Variants in SNX29 observed in about 807,000 individuals in gnomAD.
SNX29 encodes the protein sorting nexin-29.
SNX29 carries 78 observed loss-of-function variants against 102.1 expected under a neutral mutation model. The observed-to-expected ratio is 0.76, with a 90% CI of 0.64 to 0.92. SNX29 has a LOEUF of 0.92. Among genes scored for constraint, SNX29 ranks in the 40% least tolerant of loss-of-function variants. The pLI is 0.00. For missense variants in SNX29, 1,280 were observed against 1,061.7 expected, an observed-to-expected ratio of 1.21 and a Z score of -2.86; for synonymous variants, 580 against 414.5, an observed-to-expected ratio of 1.40 and a Z score of -4.85.
chr16:12,493,913 A>G lies in SNX29; in HGVS notation c.2178+16054A>G, dbSNP rs529856518. On this transcript the variant is annotated intron_variant, in intron 19 of 20. Coordinates refer to ENST00000566228, the MANE Select transcript of SNX29 (RefSeq NM_032167.5). The stretch of plus-strand genomic sequence containing the variant: ...AGCCCTCATTTTGTTTTTGATTCAC[A>G]TTTTCCCAGTTACCGATAAGACTGA... 5.9e-5 allele frequency among the ~76,000 whole-genome samples: 9 copies of G among 151,718 alleles called. No individual in the cohort carries two copies. In the South Asian group the frequency reaches 1.7e-3, roughly 28 times the overall value.
intron 20 of SNX29, among the ~76,000 whole-genome samples, chr16:12,530,752 C>T (rs1317354264): frequency 6.6e-6 from 1 of 152,120 alleles, no homozygotes; most frequent in Non-Finnish European, 1.5e-5. Context: ...GACGGGGTTT[C>T]TTCATGTTGG....
chr16:12,333,805 G>C (rs1313543876), intron 15 of SNX29, among the ~76,000 whole-genome samples: 1 of 152,164 alleles, frequency 6.6e-6, no homozygotes, highest in East Asian at 1.9e-4. Flanking sequence ...GTCCTACCCT[G>C]TAGGATGGCT....
chr16:12,068,793 C>A (rs1395260167), intron 9 of SNX29, among the ~76,000 whole-genome samples: 3 of 152,162 alleles, frequency 2.0e-5, no homozygotes, highest in Non-Finnish European at 4.4e-5. Flanking sequence ...GATCCACCTC[C>A]CAAAGTGCTG....
intron 14 of SNX29, among the ~76,000 whole-genome samples, chr16:12,260,749 C>T (rs550804967): frequency 6.6e-6 from 1 of 151,318 alleles, no homozygotes; most frequent in South Asian, 2.1e-4. Context: ...CACACGCCCC[C>T]AGCTGGAGTG....
chr16:12,389,983 G>A lies in SNX29; in HGVS notation c.1900-8463G>A, dbSNP rs372037852. ...GTAGGTCTGAGTGTTTCACCAATTG[G>A]TTGAAAATTCATAACTTAAGAATAG... is the stretch of plus-strand genomic sequence containing the variant. On this transcript the variant is annotated intron_variant, in intron 16 of 20. Transcript: ENST00000566228. Among the ~76,000 whole-genome samples the A allele has an allele frequency of 7.9e-5, 12 of 152,302 alleles. 1 individual carries two copies. The East Asian group carries it at 1.5e-3, about 20-fold the overall frequency.
At position 12,570,060 on chromosome 16, in the gene SNX29, G is replaced by A; in HGVS notation, c.*1431G>A. On this transcript the variant is annotated 3_prime_UTR_variant, in exon 21 of 21. Coordinates refer to ENST00000566228, the MANE Select transcript of SNX29 (RefSeq NM_032167.5). ...TCTCCTAGGCTCGAGGACATCTCTG[G>A]AGAATCATCTGGAAGGTTTATACTG... The A allele has an allele frequency of 3.3e-6, 2 of 614,612 alleles. No homozygotes were observed. The highest frequency in any genetic ancestry group is 4.3e-6 in the Non-Finnish European group (2 of 467,858). The allele number at this position is 614,612 out of a possible 1,614,324, so 38.1% of individuals were successfully genotyped here.
chr16:12,317,133 G>A (rs1425991570), intron 15 of SNX29, among the ~76,000 whole-genome samples: 2 of 152,190 alleles, frequency 1.3e-5, no homozygotes, highest in African/African-American at 4.8e-5. Flanking sequence ...CTATTGTACA[G>A]GCACCCAGGA....
chr16:12,290,464 T>G (rs2079756182), intron 15 of SNX29, among the ~76,000 whole-genome samples: 1 of 152,224 alleles, frequency 6.6e-6, no homozygotes, highest in Admixed American at 6.5e-5. Flanking sequence ...CCAGGTGTCC[T>G]GCACGTCCTT....
chr16:12,300,264 A>G (rs78326638), intron 15 of SNX29, among the ~76,000 whole-genome samples: 3,042 of 152,310 alleles, frequency 0.02, 126 homozygotes, highest in African/African-American at 0.069. Context: ...TCTAATATGA[A>G]TGAAAAGAAC....
intron 3 of SNX29, among the ~76,000 whole-genome samples, chr16:12,006,045 T>G (rs1370288125): frequency 6.6e-6 from 1 of 152,078 alleles, no homozygotes; most frequent in Non-Finnish European, 1.5e-5. Context: ...TGGCTTACTA[T>G]TACTAATAAT....
intron 19 of SNX29, among the ~76,000 whole-genome samples, chr16:12,499,995 A>T (rs1303088613): frequency 6.6e-6 from 1 of 151,222 alleles, no homozygotes; most frequent in Non-Finnish European, 1.5e-5. Flanking sequence ...TTTTATTTTA[A>T]TTTTAAATTT....
At chr16:12,476,090 G>A (rs1425199117) in intron 18 of SNX29, among the ~76,000 whole-genome samples, 1 of 151,856 alleles carries the variant, frequency 6.6e-6, no homozygotes, top group Non-Finnish European at 1.5e-5. Flanking sequence ...TGAGGCCAAG[G>A]CAGGCAGATC....
intron 20 of SNX29, among the ~76,000 whole-genome samples, chr16:12,560,508 C>G (rs1437293770): frequency 2.0e-5 from 3 of 152,256 alleles, no homozygotes; most frequent in African/African-American, 7.2e-5. Context: ...CACGCCTGTC[C>G]TGCCCTCCAC....
chr16:12,297,120 G>T (rs528639747), intron 15 of SNX29: 1 of 152,486 alleles, frequency 6.6e-6, no homozygotes, highest in Non-Finnish European at 1.5e-5. Flanking sequence ...GCTGCAGAAA[G>T]AAGACAGGGT....
chr16:12,549,439 G>T lies in SNX29; in HGVS notation c.2319-19067G>T, dbSNP rs191468712. Among the ~76,000 whole-genome samples, 5 of 152,306 alleles carry T rather than the reference G, an allele frequency of 3.3e-5. No individual in the cohort carries two copies. The East Asian group carries it at 9.6e-4, about 29-fold the overall frequency. ...GAACCTGGGAGGTGGAGGTTGCAGT[G>T]ACCTAAGATTGCACCATTGAACTCC... On this transcript the variant is annotated intron_variant, in intron 20 of 20. Coordinates refer to ENST00000566228, the MANE Select transcript of SNX29 (RefSeq NM_032167.5).
intron 19 of SNX29, among the ~76,000 whole-genome samples, chr16:12,495,293 A>G (rs1174651222): frequency 1.3e-5 from 2 of 152,120 alleles, no homozygotes; most frequent in African/African-American, 4.8e-5. Context: ...TTGGGATTAC[A>G]GACGTGCACC....
intron 3 of SNX29, among the ~76,000 whole-genome samples, chr16:12,023,132 A>G (rs943895835): frequency 5.9e-5 from 9 of 151,888 alleles, no homozygotes; most frequent in Non-Finnish European, 1.0e-4. Context: ...CCTGACCTCA[A>G]GTGATCTACC....
chr16:12,521,385 C>A (rs986440659), intron 19 of SNX29, among the ~76,000 whole-genome samples: 2 of 151,848 alleles, frequency 1.3e-5, no homozygotes, highest in East Asian at 3.9e-4. Context: ...TGGGATTTCT[C>A]CAGGGGCCTC....
At position 12,550,442 on chromosome 16, in the gene SNX29, G is replaced by A. The variant is rs577610699; in HGVS notation, c.2319-18064G>A. On this transcript the variant is annotated intron_variant, in intron 20 of 20. Coordinates refer to ENST00000566228, the MANE Select transcript of SNX29 (RefSeq NM_032167.5). ...CCCACCTACTTGGGAGGCTGAGGCA[G>A]GAGAATCACTTAAACCCGGGAGGTG... 7.9e-5 allele frequency among the ~76,000 whole-genome samples: 12 copies of A among 151,972 alleles called. No homozygotes were observed. The South Asian group carries it at 2.5e-3, about 32-fold the overall frequency.
Sources: gnomAD v4.1 joint callset for allele counts (sites outside exome capture counted in the v4.1 genomes callset) on GRCh38, gnomAD v4.1.1 for gene constraint, MANE v1.5 for transcripts, NCBI Gene and HGNC (gene_info 2026-07-23, HGNC 2026-07-21) for gene names.